The following IL21 variants were observed in gnomAD, a reference collection of about 807,000 sequenced individuals.
IL21 encodes interleukin 21.
A neutral mutation model predicts 18.4 loss-of-function variants in IL21; 3 were observed. The observed-to-expected ratio is 0.16, with a 90% CI of 0.07 to 0.42. The LOEUF (loss-of-function observed/expected upper bound fraction) is 0.42. Among genes scored for constraint, IL21 ranks in the 10% least tolerant of loss-of-function variants. The probability of loss-of-function intolerance (pLI) is 0.99; values close to 1 mark genes in which losing one functional copy is unlikely to be tolerated. For synonymous variants in IL21, 37 were observed against 62.0 expected, an observed-to-expected ratio of 0.60 and a Z score of 1.90; for missense variants, 130 against 188.4, an observed-to-expected ratio of 0.69 and a Z score of 1.81.
intron 2 of IL21, among the ~76,000 whole-genome samples, chr4:122,618,804 CAAAAAAAAA>C (rs1158779760): frequency 3.7e-3 from 120 of 32,604 alleles, no homozygotes; most frequent in African/African-American, 0.012. Flanking sequence ...GACTCCGTCT[CAAAAAAAAA>C]AAAAAAAAAA....
chr4:122,615,468 C>T (rs117634316), intron 3 of IL21, among the ~76,000 whole-genome samples: 1,717 of 149,938 alleles, frequency 0.011, 79 homozygotes, highest in Admixed American at 0.082. Context: ...GTGGATCTTG[C>T]GGTGAGCAGA....
chr4:122,617,655 G>T lies in IL21; in HGVS notation c.205-1818C>A, dbSNP rs11934783. ...CTGAAAATCTTTTCTGAAAGCCTTT[G>T]AATGGTACCTGGACACTGACGCCCA... On this transcript the variant is annotated intron_variant, in intron 2 of 4. Coordinates refer to ENST00000648588, the MANE Select transcript of IL21 (RefSeq NM_021803.4). Among the ~76,000 whole-genome samples, 935 of 152,286 alleles carry T rather than the reference G, an allele frequency of 6.1e-3. 6 individuals carry two copies. Among genetic ancestry groups the T allele is most frequent in the African/African-American group, 0.021 (876 of 41,548 alleles).
chr4:122,616,243 A>G (rs1356148791), intron 2 of IL21, among the ~76,000 whole-genome samples: 1 of 152,128 alleles, frequency 6.6e-6, no homozygotes, highest in Non-Finnish European at 1.5e-5. Flanking sequence ...GATGAAGAAC[A>G]TTTTTCATTT....
chr4:122,610,953 A>G lies in IL21; in HGVS notation c.*1757T>C, dbSNP rs1248338711. ...CTCTTAGCCAAACCCTCACTGAGTT[A>G]TTTTTACTTTTAAGATAGAGACCCT... On this transcript the variant is annotated 3_prime_UTR_variant, in exon 5 of 5. Transcript: ENST00000648588. Among the ~76,000 whole-genome samples, 4 of 152,164 alleles carry G rather than the reference A, an allele frequency of 2.6e-5. No homozygotes were observed. The South Asian group carries it at 6.2e-4, about 24-fold the overall frequency.
At chr4:122,614,909 T>C (rs1344259098) in intron 3 of IL21, among the ~76,000 whole-genome samples, 1 of 152,172 alleles carries the variant, frequency 6.6e-6, no homozygotes, top group Non-Finnish European at 1.5e-5. Context: ...ATACTGACTC[T>C]GCTGATGTAC....
Position 122,618,409 on chromosome 4 carries a change from G to T in IL21, c.204+2292C>A, listed in dbSNP as rs370784179. ...AGGATTACAGGCATTGGGATTACAG[G>T]CAGGAGCCACTTCACCCAGCTGAGG... On this transcript the variant is annotated intron_variant, in intron 2 of 4. Transcript: ENST00000648588. 5.3e-5 allele frequency among the ~76,000 whole-genome samples: 8 copies of T among 152,110 alleles called. No individual in the cohort carries two copies. In the East Asian group the frequency reaches 1.5e-3, roughly 29 times the overall value.
chr4:122,613,347 C>CTT (rs34061725), intron 3 of IL21, among the ~76,000 whole-genome samples: 3,571 of 94,756 alleles, frequency 0.038, 75 homozygotes, highest in Non-Finnish European at 0.052. Context: ...TTGCATCTAA[C>CTT]TTTTTTTTTT....
intron 2 of IL21, among the ~76,000 whole-genome samples, chr4:122,616,307 T>A (rs1799336876): frequency 6.6e-6 from 1 of 152,252 alleles, no homozygotes. Context: ...CAGCATTTTA[T>A]TCTGTACAGC....
At chr4:122,615,172 G>C (rs1183009998) in intron 3 of IL21, among the ~76,000 whole-genome samples, 1 of 152,124 alleles carries the variant, frequency 6.6e-6, no homozygotes, top group Non-Finnish European at 1.5e-5. Flanking sequence ...TTATAATTGG[G>C]TTTTTGAATA....
At chr4:122,619,016 A>G (rs1799384444) in intron 2 of IL21, 1 of 151,950 alleles carries the variant, frequency 6.6e-6, no homozygotes, top group African/African-American at 2.4e-5. Context: ...AAGTGTGACA[A>G]CCAGAAATTT....
At position 122,612,640 on chromosome 4, in the gene IL21, G is replaced by T; in HGVS notation, c.*70C>A. Reference sequence around the variant, plus strand: ...CTAATATATTGTACTCCTCCACTTGGAATACAAAGAAATGACTTTCACTAC... The same window carrying T: ...CTAATATATTGTACTCCTCCACTTGTAATACAAAGAAATGACTTTCACTAC... On this transcript the variant is annotated 3_prime_UTR_variant, in exon 5 of 5. Transcript: ENST00000648588. The T allele has an allele frequency of 1.8e-6, 2 of 1,142,306 alleles. No individual in the cohort carries two copies. Among genetic ancestry groups the T allele is most frequent in the Non-Finnish European group, 2.6e-6 (2 of 757,954 alleles). The allele number at this position is 1,142,306 out of a possible 1,614,324, so 70.8% of individuals were successfully genotyped here.
At chr4:122,614,001 C>G (rs1799301723) in intron 3 of IL21, among the ~76,000 whole-genome samples, 1 of 152,146 alleles carries the variant, frequency 6.6e-6, no homozygotes, top group Admixed American at 6.6e-5. Context: ...GTCTTTATCC[C>G]TATTTAGATA....
chr4:122,613,542 A>G (rs2390350), intron 3 of IL21, among the ~76,000 whole-genome samples: 63,975 of 151,546 alleles, frequency 0.42, 13,968 homozygotes, highest in Middle Eastern at 0.6. Flanking sequence ...AGTAGAGACC[A>G]GGTTTCACCA....
Position 122,610,181 on chromosome 4 carries a change from A to C in IL21, c.*2529T>G, listed in dbSNP as rs922220396. Among the ~76,000 whole-genome samples, 4 of 152,192 alleles carry C rather than the reference A, an allele frequency of 2.6e-5. No individual in the cohort carries two copies. The highest frequency in any genetic ancestry group is 5.9e-5 in the Non-Finnish European group (4 of 68,036). ...TAAACATGAACATTTAAAATCAAATATATAATAAATAATTATTAAGTTATA... is the reference window on the plus strand; with the variant it reads ...TAAACATGAACATTTAAAATCAAATCTATAATAAATAATTATTAAGTTATA... On this transcript the variant is annotated 3_prime_UTR_variant, in exon 5 of 5. Transcript: ENST00000648588.
chr4:122,613,834 T>G lies in IL21; in HGVS notation c.361-906A>C, dbSNP rs539037779. Among the ~76,000 whole-genome samples, 10 of 152,342 alleles carry G rather than the reference T, an allele frequency of 6.6e-5. No homozygotes were observed. The East Asian group carries it at 1.9e-3, about 29-fold the overall frequency. ...TTACCTCTTTTCACTTGGAGCATTC[T>G]TATTATTATAGGGTATTGTTTAAAA... is the stretch of plus-strand genomic sequence containing the variant. On this transcript the variant is annotated intron_variant, in intron 3 of 4. Transcript: ENST00000648588.
rs1019241153 is a variant in IL21, at chr4:122,612,347, A to G, written c.*363T>C. Among the ~76,000 whole-genome samples, 7 of 152,050 alleles carry G rather than the reference A, an allele frequency of 4.6e-5. No homozygotes were observed. The highest frequency in any genetic ancestry group is 3.8e-4 in the East Asian group (2 of 5,198). On this transcript the variant is annotated 3_prime_UTR_variant, in exon 5 of 5. Transcript: ENST00000648588. ...ATATTATCAGCTGGAATGAAGGTAT[A>G]TATGTTTTAAGTTATGATCATAATA...
In IL21 at chr4:122,612,723, C is replaced by G; in HGVS notation, c.476G>C (p.Ser159Thr). 6.2e-7 allele frequency: 1 copy of G among 1,611,624 alleles called. No individual in the cohort carries two copies. Among genetic ancestry groups the G allele is most frequent in the East Asian group, 2.2e-5 (1 of 44,792 alleles). Residue 159 changes from serine (S) to threonine (T), a missense_variant, in exon 5 of 5, where the codon AGT becomes ACT. Physicochemically the swap from Ser to Thr is moderately conservative, Grantham distance 58. Transcript: ENST00000648588. Reference sequence around the variant, plus strand: ...CAAGTTAGATCCTCAGGAATCTTCACTTCCGTGTGTTCTAGAGGACAGATG... The same window carrying G: ...CAAGTTAGATCCTCAGGAATCTTCAGTTCCGTGTGTTCTAGAGGACAGATG... ...HQHLSSRTHG[S>T]EDS
chr4:122,619,231 A>G (rs576573481), intron 2 of IL21: 2 of 152,258 alleles, frequency 1.3e-5, no homozygotes, highest in South Asian at 4.1e-4. Flanking sequence ...TCTCTTACAG[A>G]CCCTACTTTG....
rs776840451 is a variant in IL21, at chr4:122,620,834, A to G, written c.168+10T>C. 2.5e-6 allele frequency: 4 copies of G among 1,613,610 alleles called. No individual in the cohort carries two copies. Among genetic ancestry groups the G allele is most frequent in the South Asian group, 1.1e-5 (1 of 91,058 alleles). On this transcript the variant is annotated intron_variant, in intron 1 of 4. Transcript: ENST00000648588. ...TGATTTAGATTTTGTTGTGACAAAT[A>G]TAGTCTTACCAAGTCATTCACATAA...
Sources: allele counts gnomAD v4.1 joint callset (sites outside exome capture counted in the v4.1 genomes callset), GRCh38; gene constraint gnomAD v4.1.1; transcripts MANE v1.5; gene names NCBI Gene and HGNC (gene_info 2026-07-23, HGNC 2026-07-21).